Variants in SSX2IP observed in about 807,000 individuals in gnomAD.
SSX2IP encodes the protein SSX family member 2 interacting protein.
A neutral mutation model predicts 84.9 loss-of-function variants in SSX2IP; 55 were observed. The observed-to-expected ratio is 0.65, with a 90% CI of 0.52 to 0.81. SSX2IP has a LOEUF of 0.81. Among genes scored for constraint, SSX2IP ranks in the 30% least tolerant of loss-of-function variants. SSX2IP has a pLI of 0.00. For missense variants in SSX2IP, 664 were observed against 705.2 expected, an observed-to-expected ratio of 0.94 and a Z score of 0.66; for synonymous variants, 239 against 234.7, an observed-to-expected ratio of 1.02 and a Z score of -0.17.
intron 6 of SSX2IP, among the ~76,000 whole-genome samples, chr1:84,663,083 A>G (rs1476467915): frequency 1.3e-5 from 2 of 152,176 alleles, no homozygotes; most frequent in East Asian, 3.9e-4. Flanking sequence ...ATATGGATCT[A>G]TACAGAAAAA....
chr1:84,671,135 T>C (rs1177130023), intron 2 of SSX2IP, 42 bp downstream of exon 2: 4 of 1,597,150 alleles, frequency 2.5e-6, no homozygotes, highest in Non-Finnish European at 3.4e-6. Context: ...AATTCACCTT[T>C]ACAGTTTCTG....
intron 1 of SSX2IP, among the ~76,000 whole-genome samples, chr1:84,677,188 C>G (rs1280139148): frequency 6.6e-6 from 1 of 152,150 alleles, no homozygotes; most frequent in Non-Finnish European, 1.5e-5. Context: ...TCAGAGCATA[C>G]AATTCTCACT....
rs775793945 is a variant in SSX2IP at position 84,661,378 on chromosome 1, A to G, written c.927+820T>C. Among the ~76,000 whole-genome samples, 79 of 151,960 alleles carry G rather than the reference A, an allele frequency of 5.2e-4. 1 individual carries two copies. The highest frequency in any genetic ancestry group is 3.4e-3 in the Middle Eastern group (1 of 294). ...TGATTTTTTTTTCAGATCTCTGCAT[A>G]TATTACTCCCATTCTCTGGAATGCT... is the stretch of plus-strand genomic sequence containing the variant. On this transcript the variant is annotated intron_variant, in intron 8 of 13. Coordinates refer to ENST00000342203, the MANE Select transcript of SSX2IP (RefSeq NM_001166293.2).
At chr1:84,651,332 AT>A (rs1650218499) in intron 12 of SSX2IP, among the ~76,000 whole-genome samples, 1 of 151,620 alleles carries the variant, frequency 6.6e-6, no homozygotes. Flanking sequence ...CTCAATGTAA[AT>A]TTTCAAAAAC....
At chr1:84,674,161 C>T (rs890850796) in intron 1 of SSX2IP, among the ~76,000 whole-genome samples, 2 of 152,058 alleles carry the variant, frequency 1.3e-5, no homozygotes, top group Non-Finnish European at 2.9e-5. Flanking sequence ...GATAAATTAC[C>T]GTAACAATGA....
In SSX2IP at chr1:84,666,232, C is replaced by T. The variant is rs1652756913; in HGVS notation, c.427G>A (p.Glu143Lys). The change falls in exon 5 of 14, where the codon GAA (glutamate) becomes AAA (lysine). Residue 143 changes from glutamate to lysine, a missense_variant and splice_region_variant. Glu to Lys is a moderately conservative substitution (Grantham distance 56). Transcript: ENST00000342203. ...HLQSCYSKLK[E>K]QLETSRREMI... ...TCCCTCCTGGAGGTTTCCAGTTGTT[C>T]CTAAAACATTTATAAGCAATTTTGC... 1.2e-6 allele frequency: 2 copies of T among 1,605,336 alleles called. No individual in the cohort carries two copies. Among genetic ancestry groups the T allele is most frequent in the African/African-American group, 1.3e-5 (1 of 74,376 alleles).
intron 1 of SSX2IP, among the ~76,000 whole-genome samples, chr1:84,678,864 G>A (rs1225237834): frequency 1.3e-5 from 2 of 152,120 alleles, no homozygotes; most frequent in African/African-American, 2.4e-5. Context: ...AGTCAAACTT[G>A]AGAAGGTACA....
At position 84,685,056 on chromosome 1, in the gene SSX2IP, C is replaced by T. The variant is rs534730207; in HGVS notation, c.-90+5315G>A. Reference sequence around the variant, plus strand: ...ACTATAAATGGACCAATTAAACAAACGTGTCATGAGCCAAGGAATATAAAC... The same window carrying T: ...ACTATAAATGGACCAATTAAACAAATGTGTCATGAGCCAAGGAATATAAAC... On this transcript the variant is annotated intron_variant, in intron 1 of 13. Transcript: ENST00000342203. Among the ~76,000 whole-genome samples the T allele has an allele frequency of 2.5e-4, 38 of 152,240 alleles. No individual in the cohort carries two copies. In the South Asian group the frequency reaches 7.9e-3, roughly 32 times the overall value.
At chr1:84,679,207 C>G (rs1165406372) in intron 1 of SSX2IP, among the ~76,000 whole-genome samples, 2 of 152,286 alleles carry the variant, frequency 1.3e-5, no homozygotes, top group African/African-American at 2.4e-5. Flanking sequence ...TTATTTAAAA[C>G]TGTAATACCA....
intron 12 of SSX2IP, 69 bp downstream of exon 12, chr1:84,651,814 G>T: frequency 1.1e-6 from 1 of 911,832 alleles, no homozygotes; most frequent in African/African-American, 1.7e-5. Context: ...ATAATATGTA[G>T]TATTTTGTAA....
At chr1:84,675,021 G>A (rs1654122760) in intron 1 of SSX2IP, among the ~76,000 whole-genome samples, 1 of 152,196 alleles carries the variant, frequency 6.6e-6, no homozygotes, top group Admixed American at 6.5e-5. Flanking sequence ...AGGTTGCAAA[G>A]CATTTTTTAT....
chr1:84,650,497 G>A lies in SSX2IP; in HGVS notation c.1535C>T (p.Ser512Leu). 1.9e-6 allele frequency: 3 copies of A among 1,614,092 alleles called. No homozygotes were observed. Among genetic ancestry groups the A allele is most frequent in the Non-Finnish European group, 2.5e-6 (3 of 1,180,020 alleles). ...GTGAGGCTTCTTTTGCGGCTGCCTC[G>A]AGTGCACTATAAGATTGTCCCAATC... is the stretch of plus-strand genomic sequence containing the variant. ...SSDWDNLIVH[S>L]RQPQKKPHSV... The change falls in exon 13 of 14, where the codon TCG (serine) becomes TTG (leucine). Residue 512 changes from serine (S) to leucine (L), a missense_variant. Physicochemically the swap from Ser to Leu is moderately radical, Grantham distance 145. Coordinates refer to ENST00000342203, the MANE Select transcript of SSX2IP (RefSeq NM_001166293.2).
At chr1:84,656,624 C>A in intron 9 of SSX2IP, 140 bp from the exon 10 acceptor site, 1 of 616,408 alleles carries the variant, frequency 1.6e-6, no homozygotes, top group Non-Finnish European at 2.4e-6. Flanking sequence ...GTAGTTACGT[C>A]CTTTGACTTT....
intron 6 of SSX2IP, among the ~76,000 whole-genome samples, chr1:84,663,784 G>A (rs1652375536): frequency 2.0e-5 from 3 of 152,184 alleles, no homozygotes; most frequent in South Asian, 2.1e-4. Context: ...CTTGTGCCTC[G>A]TATTTATACC....
intron 4 of SSX2IP, among the ~76,000 whole-genome samples, chr1:84,669,082 AG>A (rs1189252799): frequency 6.6e-6 from 1 of 152,190 alleles, no homozygotes; most frequent in African/African-American, 2.4e-5. Context: ...CATAAAAGGA[AG>A]AAAAAGAAAG....
chr1:84,671,275 T>A lies in SSX2IP; in HGVS notation c.-56A>T, dbSNP rs1042363170. 9.6e-5 allele frequency: 153 copies of A among 1,596,384 alleles called. No homozygotes were observed. The East Asian group carries it at 3.4e-3, about 36-fold the overall frequency. On this transcript the variant is annotated 5_prime_UTR_variant, in exon 2 of 14. Coordinates refer to ENST00000342203, the MANE Select transcript of SSX2IP (RefSeq NM_001166293.2). ...ACTAGTTCAGCAGTTAAACATTTAG[T>A]CTAGCTGCTGTCACTCTTCTATGTA... is the stretch of plus-strand genomic sequence containing the variant.
chr1:84,666,788 G>T (rs1652833109), intron 4 of SSX2IP, among the ~76,000 whole-genome samples: 2 of 152,094 alleles, frequency 1.3e-5, no homozygotes, highest in Non-Finnish European at 2.9e-5. Context: ...GAGCGGAATG[G>T]CAGCAAAGCC....
At chr1:84,687,126 C>T (rs6686971) in intron 1 of SSX2IP, among the ~76,000 whole-genome samples, 31,006 of 152,040 alleles carry the variant, frequency 0.2, 3,454 homozygotes, top group African/African-American at 0.28. Flanking sequence ...TCTAATCACA[C>T]CCCTACGAAG....
chr1:84,659,203 GA>G lies in SSX2IP; in HGVS notation c.928-736del, dbSNP rs1310565448. On this transcript the variant is annotated intron_variant, in intron 8 of 13. Coordinates refer to ENST00000342203, the MANE Select transcript of SSX2IP (RefSeq NM_001166293.2). ...TTTGAACAATAAAAATCTTGCTGGG[GA>G]AAAAAGAAAGATAAAAGATGAAAAG... 5.9e-5 allele frequency among the ~76,000 whole-genome samples: 9 copies of G among 152,208 alleles called. No homozygotes were observed. The East Asian group carries it at 1.2e-3, about 20-fold the overall frequency.
Sources: allele counts gnomAD v4.1 joint callset (sites outside exome capture counted in the v4.1 genomes callset), GRCh38; gene constraint gnomAD v4.1.1; transcripts MANE v1.5; gene names NCBI Gene and HGNC (gene_info 2026-07-23, HGNC 2026-07-21).